The following GREB1L variants were observed in gnomAD, a reference collection of about 807,000 sequenced individuals.
GREB1L encodes GREB1-like protein.
GREB1L carries 17 observed loss-of-function variants against 200.8 expected under a neutral mutation model. That is an observed-to-expected ratio of 0.08 (90% CI 0.06 to 0.13). The LOEUF (loss-of-function observed/expected upper bound fraction) is 0.13. Ranked by LOEUF, GREB1L falls within the 10% of genes least tolerant of loss-of-function variation. GREB1L has a pLI of 1.00. For missense variants in GREB1L, 1,657 were observed against 2,367.7 expected, an observed-to-expected ratio of 0.70 and a Z score of 6.23; for synonymous variants, 789 against 893.0, an observed-to-expected ratio of 0.88 and a Z score of 2.08.
chr18:21,290,854 A>G (rs960560900), intron 1 of GREB1L, among the ~76,000 whole-genome samples: 10 of 150,920 alleles, frequency 6.6e-5, no homozygotes, highest in Non-Finnish European at 1.3e-4. Context: ...AAGATAGACC[A>G]TCTCAAGTTT....
intron 4 of GREB1L, among the ~76,000 whole-genome samples, chr18:21,389,864 A>G (rs1388156889): frequency 6.6e-6 from 1 of 152,110 alleles, no homozygotes; most frequent in African/African-American, 2.4e-5. Flanking sequence ...GGTGTATCAA[A>G]TGATGCTCAG....
intron 1 of GREB1L, among the ~76,000 whole-genome samples, chr18:21,335,215 A>G (rs912299214): frequency 3.3e-5 from 5 of 152,224 alleles, no homozygotes; most frequent in Non-Finnish European, 7.3e-5. Context: ...CGTTTTTTAA[A>G]TGACTGTATA....
At position 21,524,565 on chromosome 18, in the gene GREB1L, A is replaced by G. The variant is rs112905215; in HGVS notation, c.*1744A>G. 1 of 152,330 alleles carries G rather than the reference A, an allele frequency of 6.6e-6. No homozygotes were observed. The highest frequency in any genetic ancestry group is 1.5e-5 in the Non-Finnish European group (1 of 68,024). The allele number at this position is 152,330 out of a possible 1,614,324, so 9.4% of individuals were successfully genotyped here. ...TTGTTGAAAGGGCCTAATGCAAATA[A>G]TACCAAGAAACCCACTGTCTGTGCA... On this transcript the variant is annotated 3_prime_UTR_variant, in exon 33 of 33. Coordinates refer to ENST00000424526, the MANE Select transcript of GREB1L (RefSeq NM_001142966.3).
In GREB1L at chr18:21,347,514, G is replaced by A. The variant is rs186027003; in HGVS notation, c.-119-18513G>A. 6.0e-5 allele frequency among the ~76,000 whole-genome samples: 9 copies of A among 150,820 alleles called. No individual in the cohort carries two copies. The Middle Eastern group carries it at 0.01, about 171-fold the overall frequency. The stretch of plus-strand genomic sequence containing the variant: ...TTTGTCGCTCAGGCTGGAGTGTAAT[G>A]GTGAGATCTCAGCTCACTGCAGCCT... On this transcript the variant is annotated intron_variant, in intron 1 of 32. Transcript: ENST00000424526.
intron 5 of GREB1L, among the ~76,000 whole-genome samples, chr18:21,397,537 A>AAAT (rs1555637982): frequency 7.2e-6 from 1 of 138,914 alleles, no homozygotes; most frequent in African/African-American, 2.9e-5. Context: ...AAAAAAAAAA[A>AAAT]AAAAAATAAT....
chr18:21,419,975 G>A (rs2032008659), intron 7 of GREB1L, among the ~76,000 whole-genome samples: 1 of 152,158 alleles, frequency 6.6e-6, no homozygotes, highest in South Asian at 2.1e-4. Context: ...CCTGGCTTAG[G>A]TAATGGTTTT....
chr18:21,329,975 G>T (rs911459788), intron 1 of GREB1L, among the ~76,000 whole-genome samples: 2 of 150,336 alleles, frequency 1.3e-5, no homozygotes, highest in African/African-American at 2.4e-5. Flanking sequence ...TTTTTGGGGG[G>T]GGGGGGTCTT....
chr18:21,284,945 T>C (rs2038330792), intron 1 of GREB1L, among the ~76,000 whole-genome samples: 2 of 152,244 alleles, frequency 1.3e-5, no homozygotes, highest in Admixed American at 1.3e-4. Context: ...TTGAGCACCT[T>C]TTCATCTGCT....
intron 15 of GREB1L, among the ~76,000 whole-genome samples, chr18:21,464,364 T>A (rs2035181056): frequency 6.6e-6 from 1 of 151,712 alleles, no homozygotes; most frequent in African/African-American, 2.4e-5. Flanking sequence ...GTAGAGATAG[T>A]AAAACCACAT....
intron 1 of GREB1L, among the ~76,000 whole-genome samples, chr18:21,245,751 T>G (rs1177064607): frequency 2.0e-5 from 3 of 151,930 alleles, no homozygotes; most frequent in African/African-American, 7.3e-5. Context: ...GAAGTCTTGC[T>G]TTGCCACCCA....
chr18:21,274,409 A>AATTTTT (rs1598621557), intron 1 of GREB1L, among the ~76,000 whole-genome samples: 1 of 151,866 alleles, frequency 6.6e-6, no homozygotes, highest in East Asian at 1.9e-4. Flanking sequence ...CAAACAACAC[A>AATTTTT]ATTTTTATTT....
At chr18:21,435,231 A>G (rs536005955) in intron 7 of GREB1L, among the ~76,000 whole-genome samples, 4 of 152,232 alleles carry the variant, frequency 2.6e-5, no homozygotes, top group Non-Finnish European at 5.9e-5. Context: ...GTACTAGTGT[A>G]TGAAGCTTTA....
At chr18:21,387,885 A>C (rs1351161506) in intron 4 of GREB1L, among the ~76,000 whole-genome samples, 1 of 152,156 alleles carries the variant, frequency 6.6e-6, no homozygotes, top group African/African-American at 2.4e-5. Flanking sequence ...CATCTGAAAA[A>C]ACTAAATTAA....
At chr18:21,513,784 T>C (rs1172671770) in intron 27 of GREB1L, 37 bp from the exon 28 acceptor site, 2 of 1,538,630 alleles carry the variant, frequency 1.3e-6, no homozygotes, top group Non-Finnish European at 1.8e-6. Context: ...GAGTGAAGGA[T>C]GTGTGGATAT....
intron 18 of GREB1L, among the ~76,000 whole-genome samples, chr18:21,488,976 T>A (rs138681225): frequency 4.3e-4 from 65 of 152,164 alleles, no homozygotes; most frequent in East Asian, 1.9e-3. Flanking sequence ...TTTTAAAAAA[T>A]TTTATTTTTA....
intron 1 of GREB1L, among the ~76,000 whole-genome samples, chr18:21,340,968 G>A (rs907677574): frequency 3.3e-5 from 5 of 152,200 alleles, no homozygotes; most frequent in South Asian, 2.1e-4. Flanking sequence ...TACATGCAAC[G>A]TACTTCACAT....
rs1460054833 is a variant in GREB1L, at chr18:21,351,409, C to T, written c.-119-14618C>T. Among the ~76,000 whole-genome samples the T allele has an allele frequency of 2.6e-5, 4 of 152,090 alleles. No individual in the cohort carries two copies. The East Asian group carries it at 7.7e-4, about 29-fold the overall frequency. On this transcript the variant is annotated intron_variant, in intron 1 of 32. Coordinates refer to ENST00000424526, the MANE Select transcript of GREB1L (RefSeq NM_001142966.3). ...CCAACATAGTGAAACCCCGTCTCTA[C>T]TAGAAATACAAAAATTAGCAGGGCA...
intron 1 of GREB1L, among the ~76,000 whole-genome samples, chr18:21,299,213 G>A (rs1320154373): frequency 6.6e-6 from 1 of 151,348 alleles, no homozygotes; most frequent in Non-Finnish European, 1.5e-5. Context: ...TGGAGGCGGA[G>A]GTTGCAGTGA....
chr18:21,492,978 C>G (rs1298903897), intron 19 of GREB1L, among the ~76,000 whole-genome samples: 1 of 152,036 alleles, frequency 6.6e-6, no homozygotes, highest in Non-Finnish European at 1.5e-5. Context: ...TAAACAAGTC[C>G]CAAATTCTCA....
Sources: gnomAD v4.1 joint callset for allele counts (sites outside exome capture counted in the v4.1 genomes callset) on GRCh38, gnomAD v4.1.1 for gene constraint, MANE v1.5 for transcripts, NCBI Gene and HGNC (gene_info 2026-07-23, HGNC 2026-07-21) for gene names.